The following DEFB106B variants were observed in gnomAD, a reference collection of about 807,000 sequenced individuals.
DEFB106B encodes the protein beta-defensin 106.
At chr8:7,485,068 A>G (rs1201949156) in intron 1 of DEFB106B, among the ~76,000 whole-genome samples, 2 of 68,440 alleles carry the variant, frequency 2.9e-5, no homozygotes, top group African/African-American at 1.4e-4. Context: ...ATACTCTAGT[A>G]TATCTAATAG....
Sources: allele counts gnomAD v4.1 joint callset (sites outside exome capture counted in the v4.1 genomes callset), GRCh38; gene constraint gnomAD v4.1.1; transcripts MANE v1.5; gene names NCBI Gene and HGNC (gene_info 2026-07-23, HGNC 2026-07-21).